TMEM116: variants seen among roughly 807,000 people sequenced by gnomAD.
The protein encoded by TMEM116 is transmembrane protein 116.
TMEM116 carries 38 observed loss-of-function variants against 44.3 expected under a neutral mutation model. The observed-to-expected ratio is 0.86, with a 90% CI of 0.66 to 1.12. The LOEUF (loss-of-function observed/expected upper bound fraction) is 1.12. Among genes scored for constraint, TMEM116 ranks in the 50% most tolerant of loss-of-function variants. TMEM116 has a pLI of 0.00. For synonymous variants in TMEM116, 132 were observed against 144.8 expected (o/e 0.91, Z 0.64); for missense variants, 354 against 401.7 (o/e 0.88, Z 1.01).
At chr12:111,991,536 A>G (rs1056015264) in intron 4 of TMEM116, among the ~76,000 whole-genome samples, 5 of 152,038 alleles carry the variant, frequency 3.3e-5, no homozygotes, top group Admixed American at 6.6e-5. Flanking sequence ...AAAAAAAAAA[A>G]AAAAATTAAA....
intron 1 of TMEM116, chr12:112,006,006 A>C: frequency 4.1e-6 from 4 of 985,820 alleles, no homozygotes; most frequent in Non-Finnish European, 4.8e-6. Context: ...TAGGGACTTC[A>C]GTCCCAGCTA....
chr12:112,011,061 A>G (rs1193633123), intron 1 of TMEM116: 1 of 152,280 alleles, frequency 6.6e-6, no homozygotes, highest in Non-Finnish European at 1.5e-5. Context: ...GGGAGTAGAG[A>G]GAGTCCAGGC....
chr12:111,994,413 C>T (rs1253457061), intron 3 of TMEM116, among the ~76,000 whole-genome samples: 1 of 152,184 alleles, frequency 6.6e-6, no homozygotes, highest in Non-Finnish European at 1.5e-5. Context: ...ATAAAAGACA[C>T]ACACAAAATA....
chr12:111,949,348 T>C (rs1210199789), intron 4 of TMEM116, among the ~76,000 whole-genome samples: 1 of 152,220 alleles, frequency 6.6e-6, no homozygotes, highest in Non-Finnish European at 1.5e-5. Context: ...GCTATTTTTA[T>C]AATGGAATAC....
At chr12:111,937,126 T>C (rs1448692240) in intron 7 of TMEM116, 34 bp downstream of exon 7, 4 of 1,553,770 alleles carry the variant, frequency 2.6e-6, no homozygotes, top group Non-Finnish European at 3.6e-6. Context: ...AGGTGTAGTC[T>C]GCCATGAAAA....
At chr12:111,990,268 AAG>A (rs201355060) in intron 4 of TMEM116, among the ~76,000 whole-genome samples, 35 of 145,772 alleles carry the variant, frequency 2.4e-4, no homozygotes, top group Admixed American at 2.8e-4. Context: ...AAAAAAAAAA[AAG>A]GTAACATTAA....
At position 111,947,124 on chromosome 12, in the gene TMEM116, T is replaced by A. The variant is rs577057769; in HGVS notation, c.211-3755A>T. Among the ~76,000 whole-genome samples the A allele has an allele frequency of 7.2e-5, 11 of 152,190 alleles. No individual in the cohort carries two copies. The South Asian group carries it at 2.3e-3, about 32-fold the overall frequency. On this transcript the variant is annotated intron_variant, in intron 4 of 10. Coordinates refer to ENST00000552374, the MANE Select transcript of TMEM116 (RefSeq NM_001193531.2). Reference sequence around the variant, plus strand: ...TGTTATATTGGGTTTTTAATTAAAGTGTTAAAAAATTTATATCCACATAAA... The same window carrying A: ...TGTTATATTGGGTTTTTAATTAAAGAGTTAAAAAATTTATATCCACATAAA...
chr12:111,991,788 G>T lies in TMEM116; in HGVS notation c.180C>A (p.Ile60=), dbSNP rs181400626. 3 of 1,535,502 alleles carry T rather than the reference G, an allele frequency of 2.0e-6. No individual in the cohort carries two copies. The highest frequency in any genetic ancestry group is 2.0e-5 in the Admixed American group (1 of 50,980). ...CAACTGCTTGTAGGTTATAGCAGAT[G>T]ATGTCCTTATTTGCTACTGAAGCTC... is the stretch of plus-strand genomic sequence containing the variant. ...LYGASVANKD[I]ICYNLQAVGQ... The change falls in exon 4 of 11, where the codon ATC becomes ATA. Residue 60 remains isoleucine (I), a synonymous_variant. Transcript: ENST00000552374.
At chr12:112,011,032 TGA>T (rs1399017246) in intron 1 of TMEM116, 1 of 152,322 alleles carries the variant, frequency 6.6e-6, no homozygotes, top group Non-Finnish European at 1.5e-5. Context: ...AAGCCCGCTC[TGA>T]GATTGGAGCA....
At chr12:111,994,245 A>G (rs924013597) in intron 3 of TMEM116, among the ~76,000 whole-genome samples, 3 of 152,190 alleles carry the variant, frequency 2.0e-5, no homozygotes, top group African/African-American at 7.2e-5. Flanking sequence ...TCAGGAAAAA[A>G]AGAAAGAAAT....
At chr12:111,936,127 T>C (rs1054847399) in intron 8 of TMEM116, 1 of 152,182 alleles carries the variant, frequency 6.6e-6, no homozygotes, top group Non-Finnish European at 1.5e-5. Context: ...AAAGGCATAT[T>C]TGCTCATTTA....
intron 1 of TMEM116, among the ~76,000 whole-genome samples, chr12:112,009,116 G>C (rs922313411): frequency 6.6e-6 from 1 of 152,100 alleles, no homozygotes; most frequent in Non-Finnish European, 1.5e-5. Context: ...TAGAATTCAC[G>C]GTGTAATGAT....
chr12:112,007,951 G>C (rs905672274), intron 1 of TMEM116, among the ~76,000 whole-genome samples: 1 of 152,116 alleles, frequency 6.6e-6, no homozygotes, highest in Non-Finnish European at 1.5e-5. Context: ...ACATAATCTT[G>C]CCATCTTCCT....
intron 2 of TMEM116, among the ~76,000 whole-genome samples, chr12:112,004,839 A>T (rs187073901): frequency 6.6e-6 from 1 of 152,040 alleles, no homozygotes; most frequent in East Asian, 1.9e-4. Context: ...TTGTAGGGAC[A>T]GGGTTTCACC....
intron 4 of TMEM116, among the ~76,000 whole-genome samples, chr12:111,988,058 A>G (rs2076324242): frequency 6.6e-6 from 1 of 152,242 alleles, no homozygotes; most frequent in African/African-American, 2.4e-5. Context: ...ATGCTAAGTG[A>G]AATAAGCCGG....
chr12:111,946,022 A>C (rs2073243941), intron 4 of TMEM116, among the ~76,000 whole-genome samples: 1 of 152,238 alleles, frequency 6.6e-6, no homozygotes, highest in Non-Finnish European at 1.5e-5. Flanking sequence ...ATGATGTTTT[A>C]ATTCCACAAT....
intron 1 of TMEM116, among the ~76,000 whole-genome samples, chr12:112,009,843 CAA>C (rs761769238): frequency 2.7e-5 from 3 of 112,010 alleles, no homozygotes; most frequent in Non-Finnish European, 3.8e-5. Flanking sequence ...GACTCTGTCT[CAA>C]AAAAAAAAAA....
chr12:111,940,160 C>T (rs532332047), intron 5 of TMEM116, among the ~76,000 whole-genome samples: 2 of 151,914 alleles, frequency 1.3e-5, no homozygotes, highest in East Asian at 3.9e-4. Context: ...GTAGTCCCAG[C>T]TCCTCAGGAG....
rs532810163 is a variant in TMEM116, at chr12:111,953,179, T to C, written c.211-9810A>G. Among the ~76,000 whole-genome samples the C allele has an allele frequency of 2.6e-5, 4 of 152,300 alleles. No homozygotes were observed. The East Asian group carries it at 7.7e-4, about 29-fold the overall frequency. ...AAACTTAACAATAGACTCCACCTGGTAGACTTACCCTGTGAGCCACTCCCT... is the reference window on the plus strand; with the variant it reads ...AAACTTAACAATAGACTCCACCTGGCAGACTTACCCTGTGAGCCACTCCCT... On this transcript the variant is annotated intron_variant, in intron 4 of 10. Coordinates refer to ENST00000552374, the MANE Select transcript of TMEM116 (RefSeq NM_001193531.2).
Sources: allele counts gnomAD v4.1 joint callset (sites outside exome capture counted in the v4.1 genomes callset), GRCh38; gene constraint gnomAD v4.1.1; transcripts MANE v1.5; gene names NCBI Gene and HGNC (gene_info 2026-07-23, HGNC 2026-07-21).